LHFPL6: variants seen among roughly 807,000 people sequenced by gnomAD.
LHFPL6 encodes LHFPL tetraspan subfamily member 6, also known as LHFPL tetraspan subfamily member 6 protein.
Under a neutral mutation model 20.6 loss-of-function variants are expected in LHFPL6, and 9 were observed. That is an observed-to-expected ratio of 0.44 (90% CI 0.26 to 0.76). LHFPL6 has a LOEUF of 0.76. Among genes scored for constraint, LHFPL6 ranks in the 30% least tolerant of loss-of-function variants. LHFPL6 has a pLI of 0.20. For synonymous variants in LHFPL6, 105 were observed against 98.7 expected (o/e 1.06, Z -0.38); for missense variants, 218 against 253.5 (o/e 0.86, Z 0.95).
chr13:39,426,316 G>A (rs576329926), intron 2 of LHFPL6, among the ~76,000 whole-genome samples: 11 of 151,796 alleles, frequency 7.2e-5, no homozygotes, highest in Admixed American at 2.0e-4. Context: ...CACCTCCCGG[G>A]TTCAAGCGAT....
chr13:39,517,466 TA>T (rs1360946258), intron 2 of LHFPL6, among the ~76,000 whole-genome samples: 1 of 152,198 alleles, frequency 6.6e-6, no homozygotes, highest in Admixed American at 6.5e-5. Context: ...TAAATGAATG[TA>T]ATTAATCCAG....
At chr13:39,413,434 ATTT>A (rs11292419) in intron 2 of LHFPL6, among the ~76,000 whole-genome samples, 14 of 117,784 alleles carry the variant, frequency 1.2e-4, no homozygotes, top group South Asian at 3.0e-4. Flanking sequence ...ACTACTCAGG[ATTT>A]TTTTTTTTTT....
chr13:39,465,471 C>A (rs916690066), intron 2 of LHFPL6, among the ~76,000 whole-genome samples: 1 of 152,120 alleles, frequency 6.6e-6, no homozygotes, highest in Non-Finnish European at 1.5e-5. Flanking sequence ...CAAATTATGA[C>A]TATTCAATTA....
intron 2 of LHFPL6, among the ~76,000 whole-genome samples, chr13:39,526,307 G>A (rs1870285132): frequency 6.6e-6 from 1 of 152,134 alleles, no homozygotes; most frequent in South Asian, 2.1e-4. Flanking sequence ...TAGTAGACAG[G>A]AATGTAGATA....
At chr13:39,479,034 T>TAGATAG (rs1555264216) in intron 2 of LHFPL6, among the ~76,000 whole-genome samples, 31 of 144,058 alleles carry the variant, frequency 2.2e-4, no homozygotes, top group African/African-American at 7.8e-4. Flanking sequence ...GGGAGATAGA[T>TAGATAG]ATAGATAGAT....
chr13:39,353,653 G>A (rs768433625), intron 3 of LHFPL6, among the ~76,000 whole-genome samples: 5 of 152,228 alleles, frequency 3.3e-5, no homozygotes, highest in Non-Finnish European at 4.4e-5. Context: ...TCTTGAACCC[G>A]GGAGGCGGAG....
intron 2 of LHFPL6, among the ~76,000 whole-genome samples, chr13:39,434,350 T>C (rs191229549): frequency 2.0e-4 from 30 of 152,320 alleles, no homozygotes; most frequent in Non-Finnish European, 2.6e-4. Context: ...CTAATAAGCA[T>C]GCAAAGAAGG....
At chr13:39,441,823 CTTTT>C (rs1168860757) in intron 2 of LHFPL6, among the ~76,000 whole-genome samples, 1 of 110,074 alleles carries the variant, frequency 9.1e-6, no homozygotes, top group East Asian at 3.1e-4. Context: ...TGGGCTAAAA[CTTTT>C]TTTTTTTTTT....
At chr13:39,412,935 A>AT (rs398022423) in intron 2 of LHFPL6, among the ~76,000 whole-genome samples, 1 of 151,232 alleles carries the variant, frequency 6.6e-6, no homozygotes, top group Non-Finnish European at 1.5e-5. Context: ...AAAAAAAAAA[A>AT]GAAAAAAATT....
At chr13:39,509,768 T>A (rs1468090250) in intron 2 of LHFPL6, among the ~76,000 whole-genome samples, 2 of 151,994 alleles carry the variant, frequency 1.3e-5, no homozygotes, top group Non-Finnish European at 2.9e-5. Context: ...GAGACCAGCC[T>A]GAGCAATATA....
At chr13:39,463,136 G>A (rs1281772802) in intron 2 of LHFPL6, among the ~76,000 whole-genome samples, 1 of 152,130 alleles carries the variant, frequency 6.6e-6, no homozygotes, top group Non-Finnish European at 1.5e-5. Flanking sequence ...AAAGACAGTT[G>A]GAAAGATTCC....
At chr13:39,441,830 T>C (rs1416756246) in intron 2 of LHFPL6, among the ~76,000 whole-genome samples, 1 of 148,002 alleles carries the variant, frequency 6.8e-6, no homozygotes, top group East Asian at 2.0e-4. Flanking sequence ...AAACTTTTTT[T>C]TTTTTTTTTT....
At chr13:39,593,786 G>T (rs1593377739) in intron 2 of LHFPL6, among the ~76,000 whole-genome samples, 1 of 152,048 alleles carries the variant, frequency 6.6e-6, no homozygotes, top group East Asian at 1.9e-4. Context: ...CAATGGAACA[G>T]AACAGAGCCC....
chr13:39,561,422 T>C (rs1428616272), intron 2 of LHFPL6, among the ~76,000 whole-genome samples: 3 of 152,128 alleles, frequency 2.0e-5, no homozygotes, highest in African/African-American at 7.2e-5. Context: ...GACGAGAACC[T>C]CTCTCAGTGT....
At chr13:39,594,277 C>A (rs1160591661) in intron 2 of LHFPL6, among the ~76,000 whole-genome samples, 5 of 152,010 alleles carry the variant, frequency 3.3e-5, no homozygotes, top group African/African-American at 7.2e-5. Context: ...CAAGAAAAAA[C>A]CACACAACCC....
At chr13:39,425,313 CTG>C (rs1871609959) in intron 2 of LHFPL6, among the ~76,000 whole-genome samples, 1 of 152,172 alleles carries the variant, frequency 6.6e-6, no homozygotes. Context: ...ATCCATTCAC[CTG>C]TTGATAATGT....
At chr13:39,373,801 G>T (rs141797465) in intron 3 of LHFPL6, among the ~76,000 whole-genome samples, 7 of 152,196 alleles carry the variant, frequency 4.6e-5, no homozygotes, top group African/African-American at 1.7e-4. Context: ...AATTATCAAA[G>T]AAATGGAAAA....
At chr13:39,547,289 C>T (rs1871011576) in intron 2 of LHFPL6, among the ~76,000 whole-genome samples, 1 of 152,114 alleles carries the variant, frequency 6.6e-6, no homozygotes. Flanking sequence ...ATTGCCTCAT[C>T]TCTGGTTGCC....
At chr13:39,423,647 G>C (rs1478556874) in intron 2 of LHFPL6, among the ~76,000 whole-genome samples, 1 of 152,122 alleles carries the variant, frequency 6.6e-6, no homozygotes, top group African/African-American at 2.4e-5. Context: ...TGAGAATCAT[G>C]TGAGGTGAGG....
Sources: gnomAD v4.1 joint callset for allele counts (sites outside exome capture counted in the v4.1 genomes callset) on GRCh38, gnomAD v4.1.1 for gene constraint, MANE v1.5 for transcripts, NCBI Gene and HGNC (gene_info 2026-07-23, HGNC 2026-07-21) for gene names.